The following LRRC4C variants were observed in gnomAD, a reference collection of about 807,000 sequenced individuals.
The protein encoded by LRRC4C is leucine rich repeat containing 4C, also known as leucine-rich repeat-containing protein 4C.
Under a neutral mutation model 33.6 loss-of-function variants are expected in LRRC4C, and 5 were observed. The observed-to-expected ratio is 0.15, with a 90% CI of 0.08 to 0.31. The LOEUF (loss-of-function observed/expected upper bound fraction) is 0.31. Among genes scored for constraint, LRRC4C ranks in the 10% least tolerant of loss-of-function variants. The probability of loss-of-function intolerance (pLI) is 1.00; values close to 1 mark genes in which losing one functional copy is unlikely to be tolerated. For synonymous variants in LRRC4C, 329 were observed against 302.0 expected (o/e 1.09, Z -0.93); for missense variants, 560 against 796.7 (o/e 0.70, Z 3.58).
chr11:40,926,220 C>T (rs1473773303), intron 2 of LRRC4C, among the ~76,000 whole-genome samples: 1 of 152,126 alleles, frequency 6.6e-6, no homozygotes, highest in African/African-American at 2.4e-5. Context: ...GCAGCAATGC[C>T]TACTAGGGAG....
At chr11:40,523,944 G>A (rs1955931990) in intron 3 of LRRC4C, among the ~76,000 whole-genome samples, 1 of 152,076 alleles carries the variant, frequency 6.6e-6, no homozygotes, top group Non-Finnish European at 1.5e-5. Flanking sequence ...AGATTTTGGG[G>A]GATGTAGTAA....
At chr11:40,151,240 G>A (rs1423748386) in intron 5 of LRRC4C, among the ~76,000 whole-genome samples, 1 of 152,092 alleles carries the variant, frequency 6.6e-6, no homozygotes, top group Non-Finnish European at 1.5e-5. Flanking sequence ...AGTTTCCTGA[G>A]GCATCCAAAC....
intron 2 of LRRC4C, among the ~76,000 whole-genome samples, chr11:40,692,409 T>G (rs1187481338): frequency 6.6e-6 from 1 of 152,038 alleles, no homozygotes; most frequent in African/African-American, 2.4e-5. Flanking sequence ...TAGAAGACTC[T>G]TGTATTATTT....
intron 3 of LRRC4C, among the ~76,000 whole-genome samples, chr11:40,646,319 CA>C (rs1476339437): frequency 1.3e-5 from 2 of 152,118 alleles, no homozygotes; most frequent in Admixed American, 1.3e-4. Flanking sequence ...AGTAGAGTTG[CA>C]AAAAGTTTAA....
chr11:40,914,543 T>C (rs922080932), intron 2 of LRRC4C, among the ~76,000 whole-genome samples: 5 of 152,192 alleles, frequency 3.3e-5, no homozygotes, highest in African/African-American at 4.8e-5. Flanking sequence ...TGATGGGACA[T>C]ATCTCAAAAT....
At chr11:40,300,644 C>G (rs566563114) in intron 4 of LRRC4C, among the ~76,000 whole-genome samples, 1 of 152,278 alleles carries the variant, frequency 6.6e-6, no homozygotes, top group Non-Finnish European at 1.5e-5. Context: ...ACAGTATTTG[C>G]ATGTAATCTG....
intron 1 of LRRC4C, among the ~76,000 whole-genome samples, chr11:41,179,185 C>CTT (rs556167987): frequency 3.1e-3 from 421 of 136,546 alleles, no homozygotes; most frequent in African/African-American, 0.01. Flanking sequence ...CCTCAAGCCT[C>CTT]TTTTTTTTTT....
intron 5 of LRRC4C, among the ~76,000 whole-genome samples, chr11:40,207,423 A>G (rs1863241368): frequency 6.6e-6 from 1 of 152,122 alleles, no homozygotes; most frequent in Non-Finnish European, 1.5e-5. Context: ...GCAATATAGC[A>G]AGATTCCATC....
chr11:40,817,986 G>GGTTT (rs1210411709), intron 2 of LRRC4C, among the ~76,000 whole-genome samples: 1 of 152,008 alleles, frequency 6.6e-6, no homozygotes, highest in African/African-American at 2.4e-5. Flanking sequence ...GGATTTAATT[G>GGTTT]GTTTGTTTGT....
chr11:40,440,021 A>T (rs1273281599), intron 3 of LRRC4C, among the ~76,000 whole-genome samples: 1 of 152,230 alleles, frequency 6.6e-6, no homozygotes, highest in East Asian at 1.9e-4. Flanking sequence ...TCAGCATTGC[A>T]ATGACACAGT....
intron 1 of LRRC4C, among the ~76,000 whole-genome samples, chr11:41,339,046 T>A (rs1435101317): frequency 6.6e-6 from 1 of 152,204 alleles, no homozygotes; most frequent in Non-Finnish European, 1.5e-5. Context: ...TAGATTATTA[T>A]GTTTGAAAGA....
chr11:41,426,528 C>T (rs1955049292), intron 1 of LRRC4C: 1 of 152,170 alleles, frequency 6.6e-6, no homozygotes, highest in Non-Finnish European at 1.5e-5. Flanking sequence ...TTGTACAGCC[C>T]ACGCTGTGTT....
intron 1 of LRRC4C, among the ~76,000 whole-genome samples, chr11:41,229,580 C>T (rs1009160375): frequency 3.3e-5 from 5 of 152,018 alleles, no homozygotes; most frequent in South Asian, 2.1e-4. Flanking sequence ...CATACAAATT[C>T]GGAACTCACA....
At chr11:40,507,723 A>G (rs888845093) in intron 3 of LRRC4C, among the ~76,000 whole-genome samples, 1 of 150,178 alleles carries the variant, frequency 6.7e-6, no homozygotes, top group Middle Eastern at 3.2e-3. Flanking sequence ...TCTTCATTAT[A>G]AGGCACTAGA....
chr11:40,630,575 C>T (rs1963402173), intron 3 of LRRC4C, among the ~76,000 whole-genome samples: 1 of 152,032 alleles, frequency 6.6e-6, no homozygotes, highest in African/African-American at 2.4e-5. Context: ...ATTCATAATA[C>T]TGAGTTTCAG....
intron 6 of LRRC4C, among the ~76,000 whole-genome samples, chr11:40,134,629 A>G (rs2134866430): frequency 6.6e-6 from 1 of 152,346 alleles, no homozygotes; most frequent in East Asian, 1.9e-4. Flanking sequence ...TAATCAAGCT[A>G]TAAAATAATG....
chr11:40,802,055 T>TA (rs1160638306), intron 2 of LRRC4C, among the ~76,000 whole-genome samples: 6 of 152,256 alleles, frequency 3.9e-5, no homozygotes, highest in Non-Finnish European at 5.9e-5. Context: ...CTCACTGAAA[T>TA]AAAAAATACC....
intron 3 of LRRC4C, among the ~76,000 whole-genome samples, chr11:40,569,072 C>T (rs1957874366): frequency 6.6e-6 from 1 of 152,220 alleles, no homozygotes; most frequent in African/African-American, 2.4e-5. Context: ...ACATGCTAAA[C>T]ATTTTCTTAA....
chr11:40,630,683 C>G (rs1484215004), intron 3 of LRRC4C, among the ~76,000 whole-genome samples: 1 of 152,072 alleles, frequency 6.6e-6, no homozygotes, highest in Non-Finnish European at 1.5e-5. Context: ...CAGTATCATT[C>G]AATTGTCAGC....
Sources: gnomAD v4.1 joint callset for allele counts (sites outside exome capture counted in the v4.1 genomes callset) on GRCh38, gnomAD v4.1.1 for gene constraint, MANE v1.5 for transcripts, NCBI Gene and HGNC (gene_info 2026-07-23, HGNC 2026-07-21) for gene names.